Variants in ZDHHC3 observed in about 807,000 individuals in gnomAD.
ZDHHC3 encodes zDHHC palmitoyltransferase 3, also known as palmitoyltransferase ZDHHC3.
Under a neutral mutation model 30.6 loss-of-function variants are expected in ZDHHC3, and 9 were observed. The observed-to-expected ratio is 0.29, with a 90% CI of 0.18 to 0.51. The LOEUF (loss-of-function observed/expected upper bound fraction) is 0.51, where lower values mean the gene tolerates loss of function less well. ZDHHC3 is among the 20% of genes least tolerant of loss of function. ZDHHC3 has a pLI of 0.97. For missense variants in ZDHHC3, 246 were observed against 384.2 expected, an observed-to-expected ratio of 0.64 and a Z score of 3.01; for synonymous variants, 136 against 140.2, an observed-to-expected ratio of 0.97 and a Z score of 0.21.
chr3:44,918,240 G>A lies in ZDHHC3; in HGVS notation c.*8449C>T, dbSNP rs955257070. ...GCTATAGCATAGCAGTGGCGGGGGGGGGGGCGGGGTGTCCACGGCATGGGT... is the reference window on the plus strand; with the variant it reads ...GCTATAGCATAGCAGTGGCGGGGGGAGGGGCGGGGTGTCCACGGCATGGGT... On this transcript the variant is annotated 3_prime_UTR_variant, in exon 7 of 7. Transcript: ENST00000424952. The A allele has an allele frequency of 4.1e-6, 5 of 1,218,062 alleles. No individual in the cohort carries two copies. Among genetic ancestry groups the A allele is most frequent in the East Asian group, 5.8e-5 (1 of 17,318 alleles). 75.5% of individuals were successfully genotyped at this position (1,218,062 alleles called of 1,614,324 possible).
chr3:44,966,452 C>T (rs1704959261), intron 1 of ZDHHC3, among the ~76,000 whole-genome samples: 2 of 152,190 alleles, frequency 1.3e-5, no homozygotes, highest in Non-Finnish European at 2.9e-5. Flanking sequence ...AAAATGTCCA[C>T]TGAAAGAGGG....
At position 44,923,958 on chromosome 3, in the gene ZDHHC3, T is replaced by G. The variant is rs1575764413; in HGVS notation, c.*2731A>C. 1 of 985,356 alleles carries G rather than the reference T, an allele frequency of 1.0e-6. No homozygotes were observed. 61.0% of individuals were successfully genotyped at this position (985,356 alleles called of 1,614,324 possible). ...TTATAGATTTGCTTGGATCTAAGCCTTTTGCATATTCAGTCTAGTTGCTAT... is the reference window on the plus strand; with the variant it reads ...TTATAGATTTGCTTGGATCTAAGCCGTTTGCATATTCAGTCTAGTTGCTAT... On this transcript the variant is annotated 3_prime_UTR_variant, in exon 7 of 7. Transcript: ENST00000424952.
intron 3 of ZDHHC3, among the ~76,000 whole-genome samples, chr3:44,934,216 A>G (rs1219792784): frequency 6.6e-6 from 1 of 152,146 alleles, no homozygotes; most frequent in Non-Finnish European, 1.5e-5. Context: ...CCCTTAGCTT[A>G]ACACATACAT....
At chr3:44,956,693 C>T (rs1311945124) in intron 2 of ZDHHC3, among the ~76,000 whole-genome samples, 7 of 152,164 alleles carry the variant, frequency 4.6e-5, no homozygotes, top group Non-Finnish European at 8.8e-5. Flanking sequence ...AACAGCTTCT[C>T]TCTGGTTTCA....
At chr3:44,947,377 TC>T (rs1703039174) in intron 2 of ZDHHC3, among the ~76,000 whole-genome samples, 1 of 152,138 alleles carries the variant, frequency 6.6e-6, no homozygotes, top group African/African-American at 2.4e-5. Flanking sequence ...GGCTTGGAAG[TC>T]CCCTGGCCTT....
chr3:44,930,529 G>A (rs1232984053), intron 5 of ZDHHC3, among the ~76,000 whole-genome samples: 1 of 152,224 alleles, frequency 6.6e-6, no homozygotes, highest in East Asian at 1.9e-4. Flanking sequence ...ATCAGATCCT[G>A]GAGGGCAGAG....
In ZDHHC3 at chr3:44,945,082, G is replaced by A. The variant is rs3749187; in HGVS notation, c.431+86C>T. On this transcript the variant is annotated intron_variant, in intron 3 of 6. Coordinates refer to ENST00000424952, the MANE Select transcript of ZDHHC3 (RefSeq NM_001135179.2). ...GACTTGGCCCCTGTTGGGGAAGTGT[G>A]TGCTACTCCAGGAGGCAGGTGTTGG... 1.0e-3 allele frequency: 1,601 copies of A among 1,589,638 alleles called. 12 individuals carry two copies. The East Asian group carries it at 0.013, about 13-fold the overall frequency.
chr3:44,922,718 G>C lies in ZDHHC3; in HGVS notation c.*3971C>G. On this transcript the variant is annotated 3_prime_UTR_variant, in exon 7 of 7. Transcript: ENST00000424952. ...ATCACCTGGAGGGCTGTTAAGACACGGGCTGCTGGGCCCCGCTCGGTTTCT... is the reference window on the plus strand; with the variant it reads ...ATCACCTGGAGGGCTGTTAAGACACCGGCTGCTGGGCCCCGCTCGGTTTCT... 1 of 984,806 alleles carries C rather than the reference G, an allele frequency of 1.0e-6. No individual in the cohort carries two copies. The highest frequency in any genetic ancestry group is 1.7e-5 in the African/African-American group (1 of 57,334). 61.0% of individuals were successfully genotyped at this position (984,806 alleles called of 1,614,324 possible).
rs1287534699 is a variant in ZDHHC3 at position 44,919,693 on chromosome 3, T to TAAC, written c.*6995_*6996insGTT. On this transcript the variant is annotated 3_prime_UTR_variant, in exon 7 of 7. Coordinates refer to ENST00000424952, the MANE Select transcript of ZDHHC3 (RefSeq NM_001135179.2). Reference sequence around the variant, plus strand: ...GAGAAATGTGAATAAGGTACATACATTAGTTAAGGGTATGGTGTTGCCAAT... The same window carrying TAAC: ...GAGAAATGTGAATAAGGTACATACATAACTAGTTAAGGGTATGGTGTTGCCAAT... The TAAC allele has an allele frequency of 2.2e-5, 4 of 180,640 alleles. No individual in the cohort carries two copies. 11.2% of individuals were successfully genotyped at this position (180,640 alleles called of 1,614,324 possible).
chr3:44,924,340 T>C lies in ZDHHC3; in HGVS notation c.*2349A>G, dbSNP rs540659491. The C allele has an allele frequency of 6.1e-6, 6 of 985,334 alleles. No individual in the cohort carries two copies. In the East Asian group the frequency reaches 5.7e-4, roughly 93 times the overall value. 61.0% of individuals were successfully genotyped at this position (985,334 alleles called of 1,614,324 possible). A position where few individuals can be genotyped will look rare whatever the true frequency, so the allele number is the denominator to read the frequency against. On this transcript the variant is annotated 3_prime_UTR_variant, in exon 7 of 7. Coordinates refer to ENST00000424952, the MANE Select transcript of ZDHHC3 (RefSeq NM_001135179.2). ...CAGTCATTGTGCTCTTGGCAAAATA[T>C]CAGTCTGAACAAAAATGAAATAGGA...
intron 3 of ZDHHC3, among the ~76,000 whole-genome samples, chr3:44,938,839 C>T (rs945008258): frequency 2.0e-5 from 3 of 152,186 alleles, no homozygotes; most frequent in African/African-American, 7.2e-5. Context: ...TCCTCCACCA[C>T]GGTGCTCACT....
At position 44,925,414 on chromosome 3, in the gene ZDHHC3, A is replaced by T. The variant is rs15205; in HGVS notation, c.*1275T>A. The T allele has an allele frequency of 0.036, 35,896 of 985,570 alleles. 668 individuals are homozygous for T. The highest frequency in any genetic ancestry group is 0.04 in the Non-Finnish European group (32,988 of 829,910). The allele number at this position is 985,570 out of a possible 1,614,324, so 61.1% of individuals were successfully genotyped here. A position where few individuals can be genotyped will look rare whatever the true frequency, so the allele number is the denominator to read the frequency against. On this transcript the variant is annotated 3_prime_UTR_variant, in exon 7 of 7. Transcript: ENST00000424952. ...TGTGAGAATTCCCCGATGGTCAATA[A>T]TCATATTTGTTATTTTTGCACTTGG... is the stretch of plus-strand genomic sequence containing the variant.
In ZDHHC3 at chr3:44,959,352, A is replaced by G. The variant is rs768613793; in HGVS notation, c.85T>C (p.Tyr29His). 6.2e-6 allele frequency: 10 copies of G among 1,613,990 alleles called. No homozygotes were observed. The highest frequency in any genetic ancestry group is 1.7e-4 in the Middle Eastern group (1 of 6,060). ...LQPEKCVPPP[Y>H]PGPVGTMWFI... ...CACATGGTTCCCACAGGACCAGGGTAGGGGGGTGGGACACACTTCTCTGGC... is the reference window on the plus strand; with the variant it reads ...CACATGGTTCCCACAGGACCAGGGTGGGGGGGTGGGACACACTTCTCTGGC... Residue 29 changes from tyrosine (Y) to histidine (H), a missense_variant, in exon 2 of 7, where the codon TAC (tyrosine) becomes CAC (histidine). Physicochemically the swap from Tyr to His is moderately conservative, Grantham distance 83. Transcript: ENST00000424952. This position sits in a 1 kb window ranked among gnomAD's most constrained non-coding sequence, Gnocchi z 4.3.
chr3:44,926,631 G>A lies in ZDHHC3; in HGVS notation c.*58C>T. ...GATTTAAACATTCATGAGAACGGAT[G>A]GGACGGTAGTGCTGTGGTGTGGACT... On this transcript the variant is annotated 3_prime_UTR_variant, in exon 7 of 7. Coordinates refer to ENST00000424952, the MANE Select transcript of ZDHHC3 (RefSeq NM_001135179.2). 7.0e-7 allele frequency: 1 copy of A among 1,432,150 alleles called. No individual in the cohort carries two copies. The highest frequency in any genetic ancestry group is 9.2e-7 in the Non-Finnish European group (1 of 1,087,970). The allele number at this position is 1,432,150 out of a possible 1,614,324, so 88.7% of individuals were successfully genotyped here.
At chr3:44,930,307 G>A (rs1373088045) in intron 5 of ZDHHC3, among the ~76,000 whole-genome samples, 1 of 152,224 alleles carries the variant, frequency 6.6e-6, no homozygotes, top group Non-Finnish European at 1.5e-5. Flanking sequence ...GGAGATGGTG[G>A]GGGTGAGCAG....
At chr3:44,966,830 T>C (rs1046687671) in intron 1 of ZDHHC3, among the ~76,000 whole-genome samples, 2 of 152,200 alleles carry the variant, frequency 1.3e-5, no homozygotes, top group Non-Finnish European at 2.9e-5. Flanking sequence ...GTTTGAAATA[T>C]TTCATTAAAA....
Position 44,923,233 on chromosome 3 carries a change from G to A in ZDHHC3, c.*3456C>T, listed in dbSNP as rs1398751092. On this transcript the variant is annotated 3_prime_UTR_variant, in exon 7 of 7. Transcript: ENST00000424952. Reference sequence around the variant, plus strand: ...TGGGACTACAGACGCCTGCCACCACGCCCAGCTAATTTTTTTATATTTTTA... The same window carrying A: ...TGGGACTACAGACGCCTGCCACCACACCCAGCTAATTTTTTTATATTTTTA... 10 of 826,034 alleles carry A rather than the reference G, an allele frequency of 1.2e-5. No homozygotes were observed. Among genetic ancestry groups the A allele is most frequent in the South Asian group, 5.6e-5 (1 of 17,988 alleles). The allele number at this position is 826,034 out of a possible 1,614,324, so 51.2% of individuals were successfully genotyped here.
In ZDHHC3 at chr3:44,923,303, C is replaced by T. The variant is rs1386129302; in HGVS notation, c.*3386G>A. ...GTGTTAGCCAGGATGATCTCGATCT[C>T]TTGACCTCGTGATCTGCCCGCCTCG... On this transcript the variant is annotated 3_prime_UTR_variant, in exon 7 of 7. Transcript: ENST00000424952. 1.0e-6 allele frequency: 1 copy of T among 968,878 alleles called. No individual in the cohort carries two copies. The highest frequency in any genetic ancestry group is 1.2e-6 in the Non-Finnish European group (1 of 815,018). The allele number at this position is 968,878 out of a possible 1,614,324, so 60.0% of individuals were successfully genotyped here.
Position 44,922,509 on chromosome 3 carries a change from AG to A in ZDHHC3, c.*4179del. On this transcript the variant is annotated 3_prime_UTR_variant, in exon 7 of 7. Coordinates refer to ENST00000424952, the MANE Select transcript of ZDHHC3 (RefSeq NM_001135179.2). ...TTTGTTGGGGAGGCCGCAGCTTATGAGGGAAGGCAGTCTCAGTGGCTTCTCC... is the reference window on the plus strand; with the variant it reads ...TTTGTTGGGGAGGCCGCAGCTTATGAGGAAGGCAGTCTCAGTGGCTTCTCC... 2.0e-6 allele frequency: 2 copies of A among 985,350 alleles called. No homozygotes were observed. The highest frequency in any genetic ancestry group is 5.2e-4 in the Middle Eastern group (1 of 1,914). 61.0% of individuals were successfully genotyped at this position (985,350 alleles called of 1,614,324 possible).
Sources: gnomAD v4.1 joint callset for allele counts (sites outside exome capture counted in the v4.1 genomes callset) on GRCh38, gnomAD v4.1.1 for gene constraint, Gnocchi (gnomAD v3.1) non-coding constraint, MANE v1.5 for transcripts, NCBI Gene and HGNC (gene_info 2026-07-23, HGNC 2026-07-21) for gene names.